Variants in ELF2 observed in about 807,000 individuals in gnomAD.
ELF2 encodes ETS-related transcription factor Elf-2.
ELF2 carries 11 observed loss-of-function variants against 54.8 expected under a neutral mutation model. That is an observed-to-expected ratio of 0.20 (90% CI 0.13 to 0.33). The LOEUF (loss-of-function observed/expected upper bound fraction) is 0.33. Ranked by LOEUF, ELF2 falls within the 10% of genes least tolerant of loss-of-function variation. ELF2 has a pLI of 1.00. For synonymous variants in ELF2, 203 were observed against 245.1 expected (o/e 0.83, Z 1.61); for missense variants, 513 against 703.0 (o/e 0.73, Z 3.06).
intron 1 of ELF2, among the ~76,000 whole-genome samples, chr4:139,153,731 C>T (rs149345833): frequency 1.0e-3 from 157 of 152,276 alleles, no homozygotes; most frequent in African/African-American, 2.7e-3. Context: ...TTCACAGGTA[C>T]AGGACAAACA....
At chr4:139,154,993 CACA>C (rs1402741282) in intron 1 of ELF2, among the ~76,000 whole-genome samples, 1 of 152,208 alleles carries the variant, frequency 6.6e-6, no homozygotes, top group Non-Finnish European at 1.5e-5. Context: ...CGGAGAAAGG[CACA>C]AACCTACCTC....
intron 4 of ELF2, among the ~76,000 whole-genome samples, chr4:139,104,249 C>T (rs1734188578): frequency 6.6e-6 from 1 of 152,074 alleles, no homozygotes; most frequent in African/African-American, 2.4e-5. Flanking sequence ...GTGGCTCATG[C>T]CTGTAATCCC....
In ELF2 at chr4:139,092,366, T is replaced by TCATAA. The variant is rs1491419426; in HGVS notation, c.239-18804_239-18800dup. Reference sequence around the variant, plus strand: ...ACAGAGTGACACTCCATCTCAGAAATCATAACGTAACATAACATAACATAA... The same window carrying TCATAA: ...ACAGAGTGACACTCCATCTCAGAAATCATAACATAACGTAACATAACATAACATAA... On this transcript the variant is annotated intron_variant, in intron 4 of 9. Transcript: ENST00000686138. Among the ~76,000 whole-genome samples, 109 of 49,090 alleles carry TCATAA rather than the reference T, an allele frequency of 2.2e-3. 3 individuals are homozygous for TCATAA. The highest frequency in any genetic ancestry group is 0.013 in the East Asian group (14 of 1,110). The allele number at this position is 49,090 out of a possible 152,430, so 32.2% of individuals were successfully genotyped here.
At chr4:139,128,729 C>T (rs1296830671) in intron 3 of ELF2, among the ~76,000 whole-genome samples, 1 of 151,616 alleles carries the variant, frequency 6.6e-6, no homozygotes, top group African/African-American at 2.4e-5. Context: ...ACCATGTTGC[C>T]CAGGCTGGTC....
At chr4:139,152,409 A>T (rs1449286791) in intron 1 of ELF2, among the ~76,000 whole-genome samples, 1 of 151,528 alleles carries the variant, frequency 6.6e-6, no homozygotes, top group Non-Finnish European at 1.5e-5. Context: ...ATCACGGCTC[A>T]CTGCAGCCTT....
chr4:139,060,383 G>T lies in ELF2; in HGVS notation c.1098C>A (p.His366Gln). 1 of 1,613,980 alleles carries T rather than the reference G, an allele frequency of 6.2e-7. No homozygotes were observed. Among genetic ancestry groups the T allele is most frequent in the Non-Finnish European group, 8.5e-7 (1 of 1,180,002 alleles). ...TAGTAGGAGACCTGGATGAAGCATCGTGCCCAGGGGAAGTGATATTCACAA... is the reference window on the plus strand; with the variant it reads ...TAGTAGGAGACCTGGATGAAGCATCTTGCCCAGGGGAAGTGATATTCACAA... ...ARVVNITSPG[H>Q]DASSRSPTTT... is the part of the protein sequence containing the mutation. The change falls in exon 9 of 10, where the codon CAC (histidine) becomes CAA (glutamine). Residue 366 changes from histidine to glutamine, a missense_variant. Around this residue, in one of 3 missense-constraint regions of ELF2, gnomAD observed 291 missense variants for 366.1 expected, o/e 0.79. Coordinates refer to ENST00000686138, the MANE Select transcript of ELF2 (RefSeq NM_001331036.3).
At chr4:139,084,792 CAACATGTAACCAGTTCACTTGA>C (rs1336233655) in intron 4 of ELF2, among the ~76,000 whole-genome samples, 1 of 152,216 alleles carries the variant, frequency 6.6e-6, no homozygotes, top group Non-Finnish European at 1.5e-5. Flanking sequence ...AAACCTTATG[CAACATGTAACCAGTTCACTTGA>C]AACATCTGCA....
chr4:139,147,673 A>G (rs1271682045), intron 1 of ELF2, among the ~76,000 whole-genome samples: 3 of 149,956 alleles, frequency 2.0e-5, no homozygotes, highest in Non-Finnish European at 4.4e-5. Flanking sequence ...ACGGGGTTTC[A>G]CCATCTTGAC....
At chr4:139,062,900 C>T (rs143744251) in intron 7 of ELF2, among the ~76,000 whole-genome samples, 3 of 152,268 alleles carry the variant, frequency 2.0e-5, no homozygotes, top group East Asian at 1.9e-4. Flanking sequence ...ACCCTCAACC[C>T]TTTAAGGATT....
At chr4:139,072,075 C>A (rs1275759494) in intron 5 of ELF2, 36 bp from the exon 6 acceptor site, 17 of 1,596,190 alleles carry the variant, frequency 1.1e-5, no homozygotes, top group Non-Finnish European at 1.4e-5. Context: ...AATTTCCCAC[C>A]CCCATCAATG....
intron 4 of ELF2, among the ~76,000 whole-genome samples, chr4:139,095,467 G>A (rs1029154448): frequency 2.6e-5 from 4 of 152,082 alleles, no homozygotes; most frequent in African/African-American, 7.2e-5. Flanking sequence ...TTACAGGCAT[G>A]AGCCACTGTG....
At chr4:139,080,768 T>C (rs988235950) in intron 4 of ELF2, among the ~76,000 whole-genome samples, 6 of 152,086 alleles carry the variant, frequency 3.9e-5, no homozygotes, top group African/African-American at 1.4e-4. Context: ...TTAAGCTATA[T>C]ACACTAGAAA....
At chr4:139,115,111 T>G in intron 4 of ELF2, 1 of 1,613,858 alleles carries the variant, frequency 6.2e-7, no homozygotes, top group Non-Finnish European at 8.5e-7. Flanking sequence ...TGGGATCTCC[T>G]CTTCCTGGCA....
At chr4:139,094,835 CT>C (rs1372061882) in intron 4 of ELF2, among the ~76,000 whole-genome samples, 1 of 152,004 alleles carries the variant, frequency 6.6e-6, no homozygotes, top group Non-Finnish European at 1.5e-5. Flanking sequence ...CTTTATATAT[CT>C]TAGAGTTATT....
intron 3 of ELF2, among the ~76,000 whole-genome samples, chr4:139,135,531 A>G (rs1254789867): frequency 6.6e-6 from 1 of 151,878 alleles, no homozygotes; most frequent in Non-Finnish European, 1.5e-5. Flanking sequence ...ACTCCCTACT[A>G]ACTTCTCTAT....
chr4:139,115,117 T>A (rs1483201969), intron 4 of ELF2: 7 of 1,613,754 alleles, frequency 4.3e-6, no homozygotes, highest in Non-Finnish European at 3.4e-6. Flanking sequence ...CTCCTCTTCC[T>A]GGCAGTCGTA....
intron 1 of ELF2, among the ~76,000 whole-genome samples, chr4:139,170,364 A>C (rs1742172633): frequency 6.9e-6 from 1 of 144,564 alleles, no homozygotes; most frequent in Non-Finnish European, 1.5e-5. Flanking sequence ...TCCCGGGTTC[A>C]AGCGATTCTC....
At chr4:139,146,101 T>C (rs1276530915) in intron 1 of ELF2, among the ~76,000 whole-genome samples, 1 of 152,222 alleles carries the variant, frequency 6.6e-6, no homozygotes, top group Non-Finnish European at 1.5e-5. Context: ...TGTTTGCTGA[T>C]GATATGATCG....
chr4:139,065,636 G>C (rs914360608), intron 7 of ELF2, among the ~76,000 whole-genome samples: 1 of 152,126 alleles, frequency 6.6e-6, no homozygotes, highest in African/African-American at 2.4e-5. Flanking sequence ...AGGTTTGACT[G>C]TAACAGCTTC....
Sources: allele counts gnomAD v4.1 joint callset (sites outside exome capture counted in the v4.1 genomes callset), GRCh38; gene constraint gnomAD v4.1.1; regional missense constraint gnomAD v4.1.1; transcripts MANE v1.5; gene names NCBI Gene and HGNC (gene_info 2026-07-23, HGNC 2026-07-21).